The following MADD variants were observed in gnomAD, a reference collection of about 807,000 sequenced individuals.
MADD encodes MAP kinase-activating death domain protein.
Under a neutral mutation model 176.7 loss-of-function variants are expected in MADD, and 109 were observed. The ratio of observed to expected loss-of-function variants is 0.62; its 90% confidence interval spans 0.53 to 0.72. The LOEUF (loss-of-function observed/expected upper bound fraction) is 0.72, where lower values mean the gene tolerates loss of function less well. Among genes scored for constraint, MADD ranks in the 30% least tolerant of loss-of-function variants. MADD has a pLI of 0.00. For synonymous variants in MADD, 771 were observed against 771.3 expected, an observed-to-expected ratio of 1.00 and a Z score of 0.01; for missense variants, 1,914 against 2,045.5, an observed-to-expected ratio of 0.94 and a Z score of 1.24.
intron 8 of MADD, among the ~76,000 whole-genome samples, 183 bp downstream of exon 8, chr11:47,281,936 GT>G (rs1423156806): frequency 7.2e-6 from 1 of 139,684 alleles, no homozygotes; most frequent in African/African-American, 2.7e-5. Context: ...CCGGGTTCAA[GT>G]GATTCTCCTG....
exon 3 of MADD, chr11:47,275,092 C>A (rs751333748): frequency 4.3e-6 from 7 of 1,614,234 alleles, no homozygotes; most frequent in Non-Finnish European, 5.9e-6. Context: ...TACTCTCAAG[C>A]GCCTGGTGGA....
intron 13 of MADD, 34 bp downstream of exon 13, chr11:47,285,228 C>T: frequency 6.2e-7 from 1 of 1,605,156 alleles, no homozygotes; most frequent in Non-Finnish European, 8.5e-7. Flanking sequence ...AGATGGGTGA[C>T]TGAAGGACCT....
rs932560023 is a variant in MADD at position 47,284,100 on chromosome 11, AT to A, written c.1863-73del. 9.2e-6 allele frequency: 9 copies of A among 973,964 alleles called. No homozygotes were observed. The African/African-American group carries it at 1.3e-4, about 14-fold the overall frequency. 60.3% of individuals were successfully genotyped at this position (973,964 alleles called of 1,614,324 possible). A position where few individuals can be genotyped will look rare whatever the true frequency, so the allele number is the denominator to read the frequency against. On this transcript the variant is annotated intron_variant, in intron 10 of 32. Transcript: ENST00000402192. ...TTGAGTTCGGAGTGCTCCCCCTTTT[AT>A]TTTTCCTGGTGCTGATTGTAGGTGT...
rs757474321 is a variant in MADD at position 47,296,000 on chromosome 11, G to A, written c.3587G>A (p.Arg1196Gln). Residue 1196 changes from arginine (R) to glutamine (Q), a missense_variant, in exon 22 of 33, where the codon CGG becomes CAG. Physicochemically the swap from Arg to Gln is conservative, Grantham distance 43. Around this residue, in one of 2 missense-constraint regions of MADD, gnomAD observed 1,767 missense variants for 1,836.0 expected, o/e 0.96. Coordinates refer to ENST00000402192, the Ensembl canonical transcript of MADD. ...GGCAGTGTTCACCTGGCAAGCTCTCGGGGCACTTTGTCTGATAGTGAAATT... is the reference window on the plus strand; with the variant it reads ...GGCAGTGTTCACCTGGCAAGCTCTCAGGGCACTTTGTCTGATAGTGAAATT... 7 of 1,614,038 alleles carry A rather than the reference G, an allele frequency of 4.3e-6. No individual in the cohort carries two copies. Among genetic ancestry groups the A allele is most frequent in the South Asian group, 2.2e-5 (2 of 91,082 alleles).
chr11:47,326,286 A>T lies in MADD; in HGVS notation c.4543-452A>T, dbSNP rs1238354854. Among the ~76,000 whole-genome samples the T allele has an allele frequency of 2.0e-5, 3 of 152,188 alleles. 1 individual carries two copies. Among genetic ancestry groups the T allele is most frequent in the Non-Finnish European group, 1.5e-5 (1 of 68,038 alleles). On this transcript the variant is annotated intron_variant, in intron 30 of 32. Transcript: ENST00000402192. ...GATCCTGGATCCTGTTTCAAGGAGGATACCAACACCTCCCACCCTGAGGAC... is the reference window on the plus strand; with the variant it reads ...GATCCTGGATCCTGTTTCAAGGAGGTTACCAACACCTCCCACCCTGAGGAC...
chr11:47,294,830 C>T lies in MADD; in HGVS notation c.3403-666C>T, dbSNP rs1043752583. Reference sequence around the variant, plus strand: ...TTTAGTGACATGGGAAACTGTTTAACAAAGCTACCTATAGTGTGACTCCAA... The same window carrying T: ...TTTAGTGACATGGGAAACTGTTTAATAAAGCTACCTATAGTGTGACTCCAA... On this transcript the variant is annotated intron_variant, in intron 20 of 32. Coordinates refer to ENST00000402192, the Ensembl canonical transcript of MADD. Among the ~76,000 whole-genome samples, 3 of 152,000 alleles carry T rather than the reference C, an allele frequency of 2.0e-5. No homozygotes were observed. The East Asian group carries it at 5.8e-4, about 29-fold the overall frequency.
intron 2 of MADD, 118 bp from the exon 3 acceptor site, chr11:47,274,445 T>A: frequency 1.2e-6 from 1 of 839,332 alleles, no homozygotes; most frequent in Non-Finnish European, 1.9e-6. Flanking sequence ...TTCCAAGGTG[T>A]TACAGTCAGG....
At position 47,298,093 on chromosome 11, in the gene MADD, T is replaced by C. The variant is rs575511177; in HGVS notation, c.3642+2038T>C. Among the ~76,000 whole-genome samples, 68 of 152,318 alleles carry C rather than the reference T, an allele frequency of 4.5e-4. 1 individual carries two copies. In the Middle Eastern group the frequency reaches 0.02, roughly 46 times the overall value. On this transcript the variant is annotated intron_variant, in intron 22 of 32. Coordinates refer to ENST00000402192, the Ensembl canonical transcript of MADD. ...ATGAGCCACCGCGCCCGGCCTTCTT[T>C]ACATATTAGTTCAACCTTCACCACA...
Position 47,290,095 on chromosome 11 carries a change from G to A in MADD, c.2943+42G>A, listed in dbSNP as rs1319199995. 4.3e-6 allele frequency: 7 copies of A among 1,612,572 alleles called. No homozygotes were observed. The East Asian group carries it at 1.6e-4, about 36-fold the overall frequency. ...GGGAATCGGAGTAACTGGAGAGAGG[G>A]ATGTGAACACCACAGGCAATTTGCC... On this transcript the variant is annotated intron_variant, in intron 17 of 32. Coordinates refer to ENST00000402192, the Ensembl canonical transcript of MADD.
At chr11:47,296,764 G>GTTTTT (rs753454831) in intron 22 of MADD, among the ~76,000 whole-genome samples, 27 of 116,880 alleles carry the variant, frequency 2.3e-4, no homozygotes, top group South Asian at 5.5e-4. Context: ...GTTTTTTGTT[G>GTTTTT]TTTTTTTTTT....
At chr11:47,306,889 T>C (rs1431003014) in intron 22 of MADD, among the ~76,000 whole-genome samples, 1 of 152,096 alleles carries the variant, frequency 6.6e-6, no homozygotes, top group Non-Finnish European at 1.5e-5. Context: ...TTAAAAATGT[T>C]TATTTATTTA....
At chr11:47,321,000 A>G (rs942597176) in intron 27 of MADD, among the ~76,000 whole-genome samples, 7 of 152,240 alleles carry the variant, frequency 4.6e-5, no homozygotes, top group African/African-American at 1.2e-4. Context: ...GAGAATTTCT[A>G]TAGGATATAG....
At chr11:47,315,238 A>C (rs769088138) in exon 27 of MADD, 1 of 1,612,856 alleles carries the variant, frequency 6.2e-7, no homozygotes, top group Non-Finnish European at 8.5e-7. Context: ...CGATCTCTCT[A>C]TCTGGTCCAG....
chr11:47,275,867 A>C (rs772739366), intron 3 of MADD, 32 bp from the exon 4 acceptor site: 1 of 1,575,434 alleles, frequency 6.3e-7, no homozygotes. Context: ...TTCTGATGCT[A>C]ATGTGTCTGA....
intron 27 of MADD, among the ~76,000 whole-genome samples, chr11:47,318,655 C>T (rs557232122): frequency 1.6e-4 from 25 of 152,272 alleles, no homozygotes; most frequent in African/African-American, 5.3e-4. Flanking sequence ...GCCTCTTCCT[C>T]GAAGTGGTGC....
At chr11:47,328,580 G>T in intron 31 of MADD, 78 bp from the exon 36 acceptor site, 2 of 1,601,664 alleles carry the variant, frequency 1.2e-6, no homozygotes, top group Non-Finnish European at 1.7e-6. Flanking sequence ...GACGCCGGGC[G>T]CTGCCGCCTG....
chr11:47,314,453 C>T (rs2091911339), intron 26 of MADD, among the ~76,000 whole-genome samples: 1 of 151,994 alleles, frequency 6.6e-6, no homozygotes. Context: ...CTTTCAAAAG[C>T]TGCTTTTGCT....
At chr11:47,290,578 C>T (rs1361675427) in intron 18 of MADD, 32 bp from the exon 20 acceptor site, 2 of 1,598,372 alleles carry the variant, frequency 1.3e-6, no homozygotes, top group Admixed American at 1.7e-5. Context: ...CTACTCACTA[C>T]TTCTCTTGAC....
At chr11:47,329,231 A>G in exon 33 of MADD, 1 of 1,053,864 alleles carries the variant, frequency 9.5e-7, no homozygotes. Context: ...TGCTGCTGTG[A>G]CTGAGGAGTG....
Sources: gnomAD v4.1 joint callset for allele counts (sites outside exome capture counted in the v4.1 genomes callset) on GRCh38, gnomAD v4.1.1 for gene constraint, gnomAD v4.1.1 regional missense constraint, MANE v1.5 for transcripts, NCBI Gene and HGNC (gene_info 2026-07-23, HGNC 2026-07-21) for gene names.